Variants in PDZK1 observed in about 807,000 individuals in gnomAD.
PDZK1 encodes the protein PDZ domain containing 1, also known as Na(+)/H(+) exchange regulatory cofactor NHE-RF3.
PDZK1 carries 23 observed loss-of-function variants against 38.1 expected under a neutral mutation model. That is an observed-to-expected ratio of 0.60 (90% CI 0.43 to 0.85). PDZK1 has a LOEUF of 0.85. Among genes scored for constraint, PDZK1 ranks in the 40% least tolerant of loss-of-function variants. The pLI is 0.00. For synonymous variants in PDZK1, 98 were observed against 186.2 expected, an observed-to-expected ratio of 0.53 and a Z score of 3.86; for missense variants, 297 against 504.3, an observed-to-expected ratio of 0.59 and a Z score of 3.94.
chr1:145,694,885 G>A (rs1242923049), intron 1 of PDZK1, among the ~76,000 whole-genome samples: 2 of 89,986 alleles, frequency 2.2e-5, no homozygotes, highest in Non-Finnish European at 3.8e-5. Context: ...GACAGAGCAA[G>A]ACTCTGTCTC....
At chr1:145,686,354 C>T in intron 3 of PDZK1, 123 bp downstream of exon 3, 1 of 1,184,010 alleles carries the variant, frequency 8.4e-7, no homozygotes, top group Non-Finnish European at 1.2e-6. Flanking sequence ...CTGTTGCAAG[C>T]TATCTATAGC....
At chr1:145,704,010 G>A (rs587609506) in intron 1 of PDZK1, among the ~76,000 whole-genome samples, 1 of 152,186 alleles carries the variant, frequency 6.6e-6, no homozygotes, top group South Asian at 2.1e-4. Flanking sequence ...TGTATTTTTA[G>A]TAGAGATGGG....
intron 1 of PDZK1, 131 bp from the exon 2 acceptor site, chr1:145,688,154 G>T (rs1337209473): frequency 4.1e-5 from 32 of 778,386 alleles, no homozygotes; most frequent in Non-Finnish European, 6.9e-5. Flanking sequence ...AGTAATGCTG[G>T]GGGCACAGGA....
At chr1:145,690,250 G>A (rs1041388181) in intron 1 of PDZK1, among the ~76,000 whole-genome samples, 2 of 151,972 alleles carry the variant, frequency 1.3e-5, no homozygotes, top group Non-Finnish European at 2.9e-5. Context: ...CCCAACCTGC[G>A]AGCATCAGTT....
At chr1:145,703,057 G>C (rs186612699) in intron 1 of PDZK1, among the ~76,000 whole-genome samples, 3 of 152,268 alleles carry the variant, frequency 2.0e-5, no homozygotes, top group African/African-American at 4.8e-5. Context: ...CATAGTACGT[G>C]CTAAGTAAAC....
rs587682123 is a variant in PDZK1 at position 145,694,665 on chromosome 1, G to A, written c.-2-6642C>T. 1.9e-3 allele frequency among the ~76,000 whole-genome samples: 289 copies of A among 152,050 alleles called. 2 individuals carry two copies. Among genetic ancestry groups the A allele is most frequent in the African/African-American group, 6.5e-3 (269 of 41,442 alleles). On this transcript the variant is annotated intron_variant, in intron 1 of 8. Coordinates refer to ENST00000417171, the MANE Select transcript of PDZK1 (RefSeq NM_001201325.2). ...TGTAATCCCAGCACTTTGGGAGGCC[G>A]AGGAGGGCGGATCATGAGGTCAAGA...
At position 145,671,415 on chromosome 1, in the gene PDZK1, C is replaced by T. The variant is rs1653020058; in HGVS notation, c.*21G>A. The T allele has an allele frequency of 2.5e-6, 4 of 1,597,704 alleles. No individual in the cohort carries two copies. Among genetic ancestry groups the T allele is most frequent in the Non-Finnish European group, 3.4e-6 (4 of 1,170,852 alleles). ...CAGAAACAGCTATCAAATAAACAGC[C>T]AAAGCTATTACTTGTTTTCATCACA... On this transcript the variant is annotated 3_prime_UTR_variant, in exon 9 of 9. Coordinates refer to ENST00000417171, the MANE Select transcript of PDZK1 (RefSeq NM_001201325.2).
chr1:145,674,745 A>G (rs1309191195), intron 6 of PDZK1, among the ~76,000 whole-genome samples: 5 of 152,116 alleles, frequency 3.3e-5, no homozygotes, highest in Admixed American at 3.3e-4. Flanking sequence ...AAGCTTGAAG[A>G]CAGCCTGTCG....
rs782301824 is a variant in PDZK1 at position 145,687,772 on chromosome 1, G to A, written c.210+40C>T. 3.3e-6 allele frequency: 5 copies of A among 1,519,048 alleles called. No homozygotes were observed. The East Asian group carries it at 1.1e-4, about 34-fold the overall frequency. The allele number at this position is 1,519,048 out of a possible 1,614,324, so 94.1% of individuals were successfully genotyped here. A position where few individuals can be genotyped will look rare whatever the true frequency, so the allele number is the denominator to read the frequency against. ...AATCAGCAGAGAAGATGTGGGGGCT[G>A]AAGAGATCCTGGAAGAAAAGCCCCA... On this transcript the variant is annotated intron_variant, in intron 2 of 8. Transcript: ENST00000417171.
chr1:145,694,895 C>CAAA (rs10657290), intron 1 of PDZK1, among the ~76,000 whole-genome samples: 66 of 39,792 alleles, frequency 1.7e-3, no homozygotes, highest in African/African-American at 3.9e-3. Context: ...GACTCTGTCT[C>CAAA]AAAAAAAAAA....
intron 1 of PDZK1, among the ~76,000 whole-genome samples, chr1:145,695,471 GAGAA>G (rs1466245748): frequency 1.3e-5 from 2 of 152,110 alleles, no homozygotes; most frequent in African/African-American, 4.8e-5. Flanking sequence ...GCAAGAGAGA[GAGAA>G]AGAAAGAGGG....
intron 6 of PDZK1, among the ~76,000 whole-genome samples, chr1:145,675,138 C>G (rs1553699051): frequency 6.6e-6 from 1 of 150,714 alleles, no homozygotes; most frequent in East Asian, 1.9e-4. Flanking sequence ...ATATCAACTC[C>G]CAGACCATCC....
At chr1:145,676,880 T>C (rs1653734285) in intron 6 of PDZK1, among the ~76,000 whole-genome samples, 1 of 151,906 alleles carries the variant, frequency 6.6e-6, no homozygotes, top group Admixed American at 6.6e-5. Context: ...CTTCTTAAAG[T>C]GAAGTTCTTG....
intron 5 of PDZK1, among the ~76,000 whole-genome samples, chr1:145,679,083 C>T (rs1653989648): frequency 6.6e-6 from 1 of 151,668 alleles, no homozygotes; most frequent in Non-Finnish European, 1.5e-5. Flanking sequence ...ATTTTAGTAG[C>T]AATTGGGTGT....
At chr1:145,685,910 G>T in intron 3 of PDZK1, among the ~76,000 whole-genome samples, 1 of 152,304 alleles carries the variant, frequency 6.6e-6, no homozygotes, top group African/African-American at 2.4e-5. Flanking sequence ...AACAGGTGGG[G>T]CTGAGCCGCA....
Position 145,671,066 on chromosome 1 carries a change from C to CT in PDZK1, c.*369dup, listed in dbSNP as rs1176522051. The CT allele has an allele frequency of 5.1e-6, 1 of 194,904 alleles. No homozygotes were observed. The highest frequency in any genetic ancestry group is 2.4e-5 in the African/African-American group (1 of 41,160). 12.1% of individuals were successfully genotyped at this position (194,904 alleles called of 1,614,324 possible). ...TTTAATAGGCTTATCTGCTAAGATG[C>CT]TTTTATAAGCAGCTGTCACCTATAC... On this transcript the variant is annotated 3_prime_UTR_variant, in exon 9 of 9. Coordinates refer to ENST00000417171, the MANE Select transcript of PDZK1 (RefSeq NM_001201325.2).
chr1:145,700,936 G>A (rs1655922650), intron 1 of PDZK1, among the ~76,000 whole-genome samples: 1 of 152,166 alleles, frequency 6.6e-6, no homozygotes, highest in Non-Finnish European at 1.5e-5. Context: ...TGGGCGCGGG[G>A]GCTCATGCCT....
At chr1:145,694,864 T>C (rs1292482259) in intron 1 of PDZK1, among the ~76,000 whole-genome samples, 3 of 112,172 alleles carry the variant, frequency 2.7e-5, no homozygotes, top group Non-Finnish European at 3.3e-5. Flanking sequence ...GCCAGTACAC[T>C]CCAGCCTGGG....
chr1:145,675,600 T>C (rs1243515639), intron 6 of PDZK1, among the ~76,000 whole-genome samples: 2 of 151,028 alleles, frequency 1.3e-5, no homozygotes, highest in African/African-American at 2.4e-5. Context: ...CTTTAAAATA[T>C]GGAAAATTAT....
Sources: allele counts gnomAD v4.1 joint callset (sites outside exome capture counted in the v4.1 genomes callset), GRCh38; gene constraint gnomAD v4.1.1; transcripts MANE v1.5; gene names NCBI Gene and HGNC (gene_info 2026-07-23, HGNC 2026-07-21).